The following SLC16A10 variants were observed in gnomAD, a reference collection of about 807,000 sequenced individuals.
The protein encoded by SLC16A10 is monocarboxylate transporter 10.
In SLC16A10, 27 loss-of-function variants were observed where a neutral mutation model predicts 40.0. The ratio of observed to expected loss-of-function variants is 0.67; its 90% confidence interval spans 0.50 to 0.93. SLC16A10 has a LOEUF of 0.93. SLC16A10 is among the 40% of genes least tolerant of loss of function. The pLI is 0.00. For missense variants in SLC16A10, 529 were observed against 658.2 expected (o/e 0.80, Z 2.15); for synonymous variants, 213 against 249.8 (o/e 0.85, Z 1.39).
chr6:111,102,125 G>A (rs559431412), intron 1 of SLC16A10, among the ~76,000 whole-genome samples: 19 of 152,292 alleles, frequency 1.2e-4, no homozygotes, highest in African/African-American at 4.6e-4. Context: ...AACATATGTA[G>A]CATATCTGTA....
At chr6:111,163,481 A>G (rs1772414272) in intron 1 of SLC16A10, among the ~76,000 whole-genome samples, 1 of 152,216 alleles carries the variant, frequency 6.6e-6, no homozygotes, top group Non-Finnish European at 1.5e-5. Flanking sequence ...GATTGATAGC[A>G]TATACTCAGA....
At chr6:111,132,440 A>T (rs548941724) in intron 1 of SLC16A10, among the ~76,000 whole-genome samples, 1 of 152,146 alleles carries the variant, frequency 6.6e-6, no homozygotes, top group African/African-American at 2.4e-5. Context: ...ACCACTGACA[A>T]CCTATCAAAA....
At chr6:111,213,000 G>T (rs1458602468) in intron 4 of SLC16A10, among the ~76,000 whole-genome samples, 5 of 152,148 alleles carry the variant, frequency 3.3e-5, no homozygotes, top group Non-Finnish European at 7.4e-5. Context: ...TGTGTTTCTA[G>T]TCACCATTAA....
intron 1 of SLC16A10, among the ~76,000 whole-genome samples, chr6:111,172,283 C>T (rs1263497965): frequency 6.6e-6 from 1 of 152,162 alleles, no homozygotes; most frequent in Non-Finnish European, 1.5e-5. Context: ...GAAGGACTTA[C>T]AGACTTGATT....
At chr6:111,220,900 T>C (rs991437873) in intron 5 of SLC16A10, among the ~76,000 whole-genome samples, 1 of 152,230 alleles carries the variant, frequency 6.6e-6, no homozygotes, top group African/African-American at 2.4e-5. Context: ...GAGGGCATCA[T>C]AGTATTACAG....
intron 1 of SLC16A10, among the ~76,000 whole-genome samples, chr6:111,090,483 A>G (rs1171922405): frequency 6.6e-6 from 1 of 152,252 alleles, no homozygotes; most frequent in Non-Finnish European, 1.5e-5. Context: ...TAGGTAATAC[A>G]TATATGACTG....
chr6:111,159,356 C>G (rs1772330492), intron 1 of SLC16A10, among the ~76,000 whole-genome samples: 1 of 152,112 alleles, frequency 6.6e-6, no homozygotes, highest in South Asian at 2.1e-4. Flanking sequence ...TGTGAACATC[C>G]TTACTCATTT....
intron 1 of SLC16A10, among the ~76,000 whole-genome samples, chr6:111,119,411 G>A (rs1771544295): frequency 6.6e-6 from 1 of 152,200 alleles, no homozygotes; most frequent in Admixed American, 6.5e-5. Context: ...AACTTTGTTA[G>A]ACGCTAACAT....
At chr6:111,167,173 G>A (rs1388981298) in intron 1 of SLC16A10, among the ~76,000 whole-genome samples, 1 of 152,188 alleles carries the variant, frequency 6.6e-6, no homozygotes, top group Non-Finnish European at 1.5e-5. Context: ...AAGCAGGTTA[G>A]TTGGTCACTG....
intron 1 of SLC16A10, among the ~76,000 whole-genome samples, chr6:111,160,543 A>G (rs1195168669): frequency 2.6e-5 from 4 of 152,214 alleles, no homozygotes; most frequent in African/African-American, 9.7e-5. Context: ...TACTTTGCCA[A>G]CCAGGGACTC....
chr6:111,199,040 G>A (rs144570918), intron 3 of SLC16A10, among the ~76,000 whole-genome samples: 2 of 152,324 alleles, frequency 1.3e-5, no homozygotes, highest in East Asian at 3.9e-4. Context: ...GCCCTCAGGA[G>A]CTGTCTTGAT....
At chr6:111,101,303 A>G (rs1250630581) in intron 1 of SLC16A10, among the ~76,000 whole-genome samples, 2 of 151,980 alleles carry the variant, frequency 1.3e-5, no homozygotes, top group African/African-American at 4.8e-5. Flanking sequence ...AAGTGCTGGC[A>G]TTACAGGTCT....
intron 3 of SLC16A10, among the ~76,000 whole-genome samples, chr6:111,195,471 T>C (rs574521177): frequency 7.2e-5 from 11 of 152,282 alleles, no homozygotes; most frequent in African/African-American, 2.6e-4. Context: ...TATAGTACAC[T>C]TAAAATGGTT....
chr6:111,089,352 CA>C (rs1181076477), intron 1 of SLC16A10, among the ~76,000 whole-genome samples: 1 of 152,194 alleles, frequency 6.6e-6, no homozygotes. Flanking sequence ...ACTGATAACT[CA>C]AATTCTTTCC....
At chr6:111,196,129 G>C (rs1773076151) in intron 3 of SLC16A10, among the ~76,000 whole-genome samples, 1 of 152,134 alleles carries the variant, frequency 6.6e-6, no homozygotes, top group South Asian at 2.1e-4. Context: ...CTGAGGTCAG[G>C]AGTTCGAGAC....
chr6:111,105,892 A>C (rs975700022), intron 1 of SLC16A10, among the ~76,000 whole-genome samples: 1 of 152,192 alleles, frequency 6.6e-6, no homozygotes, highest in African/African-American at 2.4e-5. Flanking sequence ...GATGAAAGGG[A>C]ATTGATAGTT....
intron 1 of SLC16A10, among the ~76,000 whole-genome samples, chr6:111,170,148 T>G (rs1772558187): frequency 6.6e-6 from 1 of 151,940 alleles, no homozygotes; most frequent in African/African-American, 2.4e-5. Flanking sequence ...GATCCTGACC[T>G]CAGGTGATCT....
chr6:111,178,513 C>G (rs1216952750), intron 3 of SLC16A10: 1 of 500,322 alleles, frequency 2.0e-6, no homozygotes, highest in African/African-American at 2.0e-5. Flanking sequence ...GAGTTCAAGA[C>G]CAGCGTGGGC....
intron 3 of SLC16A10, among the ~76,000 whole-genome samples, chr6:111,205,260 G>A (rs1773235756): frequency 6.6e-6 from 1 of 152,200 alleles, no homozygotes; most frequent in Non-Finnish European, 1.5e-5. Context: ...GTTTTAAAGA[G>A]ATATCACCCA....
Sources: allele counts gnomAD v4.1 joint callset (sites outside exome capture counted in the v4.1 genomes callset), GRCh38; gene constraint gnomAD v4.1.1; transcripts MANE v1.5; gene names NCBI Gene and HGNC (gene_info 2026-07-23, HGNC 2026-07-21).